ERC2: variants seen among roughly 807,000 people sequenced by gnomAD.
ERC2 encodes the protein ERC protein 2.
Under a neutral mutation model 114.8 loss-of-function variants are expected in ERC2, and 42 were observed. The ratio of observed to expected loss-of-function variants is 0.37; its 90% CI spans 0.29 to 0.47. The LOEUF (loss-of-function observed/expected upper bound fraction) is 0.47. ERC2 is among the 20% of genes least tolerant of loss of function. The pLI is 0.99. For missense variants in ERC2, 939 were observed against 1,150.7 expected, an observed-to-expected ratio of 0.82 and a Z score of 2.66; for synonymous variants, 454 against 425.5, an observed-to-expected ratio of 1.07 and a Z score of -0.82.
chr3:55,874,304 A>G (rs1034139620), intron 14 of ERC2, among the ~76,000 whole-genome samples: 11 of 152,138 alleles, frequency 7.2e-5, no homozygotes, highest in African/African-American at 2.7e-4. Flanking sequence ...TTCTTTGTAC[A>G]TGGAAGGAGT....
intron 6 of ERC2, among the ~76,000 whole-genome samples, chr3:56,085,732 A>T (rs1053263892): frequency 6.6e-6 from 1 of 152,188 alleles, no homozygotes; most frequent in African/African-American, 2.4e-5. Flanking sequence ...TATTTGGTGG[A>T]TTACTGGAAT....
chr3:56,463,711 T>A (rs535161070), intron 1 of ERC2, among the ~76,000 whole-genome samples: 1 of 152,234 alleles, frequency 6.6e-6, no homozygotes, highest in Non-Finnish European at 1.5e-5. Flanking sequence ...TCTGGCCAAG[T>A]GGAATAACTC....
chr3:55,645,075 A>G (rs2060337738), intron 17 of ERC2, among the ~76,000 whole-genome samples: 1 of 152,200 alleles, frequency 6.6e-6, no homozygotes, highest in Admixed American at 6.5e-5. Context: ...TTTGACAGGG[A>G]CCAAAATTTC....
intron 12 of ERC2, among the ~76,000 whole-genome samples, chr3:55,982,251 A>G (rs1341702472): frequency 6.6e-6 from 1 of 152,164 alleles, no homozygotes; most frequent in Non-Finnish European, 1.5e-5. Flanking sequence ...AGACCTTCTC[A>G]GTGCTTTTAC....
chr3:55,897,960 C>T (rs2063921661), intron 13 of ERC2, among the ~76,000 whole-genome samples: 1 of 152,210 alleles, frequency 6.6e-6, no homozygotes, highest in African/African-American at 2.4e-5. Context: ...TCTGATCCTT[C>T]TCCTGCAAAC....
intron 15 of ERC2, among the ~76,000 whole-genome samples, chr3:55,727,253 A>C (rs1575402097): frequency 6.6e-6 from 1 of 152,354 alleles, no homozygotes; most frequent in East Asian, 1.9e-4. Flanking sequence ...TGGCCTCCAT[A>C]GAAAAAGAAC....
At chr3:56,280,498 G>T (rs755021355) in intron 3 of ERC2, among the ~76,000 whole-genome samples, 1 of 148,266 alleles carries the variant, frequency 6.7e-6, no homozygotes, top group Non-Finnish European at 1.5e-5. Context: ...AAGGACACAG[G>T]GGGAGAATAG....
chr3:55,726,665 G>T (rs979438019), intron 15 of ERC2, among the ~76,000 whole-genome samples: 1 of 152,228 alleles, frequency 6.6e-6, no homozygotes, highest in South Asian at 2.1e-4. Context: ...ACACAGGGCA[G>T]AGAGGCTCTA....
intron 3 of ERC2, among the ~76,000 whole-genome samples, chr3:56,260,253 G>T (rs78521563): frequency 6.6e-6 from 1 of 152,098 alleles, no homozygotes; most frequent in African/African-American, 2.4e-5. Context: ...ACTCCTCCCC[G>T]TAAGTCCTGG....
At chr3:55,813,733 C>T (rs749635927) in intron 14 of ERC2, among the ~76,000 whole-genome samples, 6 of 152,140 alleles carry the variant, frequency 3.9e-5, no homozygotes, top group Non-Finnish European at 5.9e-5. Context: ...TAAATAGTTA[C>T]ACAAGAGAAA....
At chr3:55,606,469 T>C (rs1354459984) in intron 17 of ERC2, 2 of 152,194 alleles carry the variant, frequency 1.3e-5, no homozygotes, top group Admixed American at 6.5e-5. Flanking sequence ...AGTCATTAAG[T>C]AGCAACCAAT....
In ERC2 at chr3:56,400,749, A is replaced by G. The variant is rs147340193; in HGVS notation, c.657+33602T>C. ...AATGACTTTGCTAATACCTGTTTTT[A>G]CTATGTTCATTACTCTGTGGCCCAG... is the stretch of plus-strand genomic sequence containing the variant. On this transcript the variant is annotated intron_variant, in intron 2 of 17. Transcript: ENST00000288221. Among the ~76,000 whole-genome samples the G allele has an allele frequency of 5.6e-3, 852 of 152,352 alleles. 3 individuals carry two copies. The highest frequency in any genetic ancestry group is 8.8e-3 in the Non-Finnish European group (600 of 68,032).
intron 7 of ERC2, among the ~76,000 whole-genome samples, chr3:56,053,217 AGAG>A (rs1017124818): frequency 2.6e-5 from 4 of 152,172 alleles, no homozygotes; most frequent in Non-Finnish European, 4.4e-5. Context: ...GTGAGTGGTA[AGAG>A]GAGAAGTTAA....
intron 6 of ERC2, among the ~76,000 whole-genome samples, chr3:56,124,940 T>C (rs1435279852): frequency 6.6e-6 from 1 of 152,226 alleles, no homozygotes; most frequent in Non-Finnish European, 1.5e-5. Flanking sequence ...AGCATCCTTA[T>C]CTTTTTTTGC....
chr3:56,156,675 G>GT (rs1380360581), intron 4 of ERC2, among the ~76,000 whole-genome samples: 1 of 152,198 alleles, frequency 6.6e-6, no homozygotes, highest in African/African-American at 2.4e-5. Context: ...AACTGCTTCA[G>GT]TTAATGTCAA....
At chr3:55,874,895 G>A (rs2062752950) in intron 14 of ERC2, among the ~76,000 whole-genome samples, 1 of 152,166 alleles carries the variant, frequency 6.6e-6, no homozygotes, top group Non-Finnish European at 1.5e-5. Context: ...TACAGTCATG[G>A]AGAGAAGCTG....
intron 1 of ERC2, among the ~76,000 whole-genome samples, chr3:56,457,610 C>T (rs1314164081): frequency 6.6e-6 from 1 of 152,074 alleles, no homozygotes; most frequent in Non-Finnish European, 1.5e-5. Flanking sequence ...TGAGTCCCAT[C>T]TCCTCAATGG....
At chr3:55,544,009 G>A (rs1363956045) in intron 17 of ERC2, among the ~76,000 whole-genome samples, 1 of 152,154 alleles carries the variant, frequency 6.6e-6, no homozygotes, top group Non-Finnish European at 1.5e-5. Context: ...GGCTGCTGTT[G>A]GTCCCAGTGC....
At chr3:56,023,774 T>TGAATGAAGGAAG (rs2073872532) in intron 7 of ERC2, among the ~76,000 whole-genome samples, 1 of 131,772 alleles carries the variant, frequency 7.6e-6, no homozygotes, top group African/African-American at 2.7e-5. Context: ...AAAAAAGGAA[T>TGAATGAAGGAAG]GAAGGAAGGA....
Sources: gnomAD v4.1 joint callset for allele counts (sites outside exome capture counted in the v4.1 genomes callset) on GRCh38, gnomAD v4.1.1 for gene constraint, MANE v1.5 for transcripts, NCBI Gene and HGNC (gene_info 2026-07-23, HGNC 2026-07-21) for gene names.